Variants in PPM1E observed in about 807,000 individuals in gnomAD.
The protein encoded by PPM1E is protein phosphatase 1E.
PPM1E carries 20 observed loss-of-function variants against 65.9 expected under a neutral mutation model. The observed-to-expected ratio is 0.30, with a 90% confidence interval of 0.21 to 0.44. The LOEUF (loss-of-function observed/expected upper bound fraction) is 0.44, where lower values mean the gene tolerates loss of function less well. Among genes scored for constraint, PPM1E ranks in the 20% least tolerant of loss-of-function variants. The probability of loss-of-function intolerance (pLI) is 1.00; values close to 1 mark genes in which losing one functional copy is unlikely to be tolerated. For missense variants in PPM1E, 713 were observed against 953.1 expected, an observed-to-expected ratio of 0.75 and a Z score of 3.32; for synonymous variants, 352 against 374.9, an observed-to-expected ratio of 0.94 and a Z score of 0.70.
chr17:58,879,041 G>C (rs2051159816), intron 1 of PPM1E, among the ~76,000 whole-genome samples: 1 of 152,012 alleles, frequency 6.6e-6, no homozygotes, highest in Non-Finnish European at 1.5e-5. Flanking sequence ...AGAGATGACA[G>C]TAGGATGTCT....
intron 1 of PPM1E, among the ~76,000 whole-genome samples, chr17:58,792,832 C>T (rs2050169529): frequency 1.5e-5 from 2 of 137,208 alleles, no homozygotes; most frequent in South Asian, 4.9e-4. Context: ...CAGCTCACTG[C>T]AACCTCCGCC....
At chr17:58,786,304 G>A (rs531274706) in intron 1 of PPM1E, among the ~76,000 whole-genome samples, 23 of 152,180 alleles carry the variant, frequency 1.5e-4, no homozygotes, top group African/African-American at 5.5e-4. Flanking sequence ...GTGAGCCATC[G>A]GGCCTGGCCA....
intron 1 of PPM1E, among the ~76,000 whole-genome samples, chr17:58,891,189 C>T (rs1004706266): frequency 6.6e-6 from 1 of 152,092 alleles, no homozygotes; most frequent in African/African-American, 2.4e-5. Context: ...TGGTCTCAAA[C>T]CCCCGACCTC....
At chr17:58,883,396 A>T (rs2051226146) in intron 1 of PPM1E, among the ~76,000 whole-genome samples, 1 of 144,204 alleles carries the variant, frequency 6.9e-6, no homozygotes, top group African/African-American at 2.6e-5. Context: ...TTTCTACCAG[A>T]TTGCTTTCTT....
At chr17:58,889,039 T>C (rs1456940867) in intron 1 of PPM1E, among the ~76,000 whole-genome samples, 2 of 152,204 alleles carry the variant, frequency 1.3e-5, no homozygotes, top group Non-Finnish European at 2.9e-5. Flanking sequence ...TGAATTACAT[T>C]CTTCAAAGTT....
At chr17:58,795,653 A>G (rs764402384) in intron 1 of PPM1E, among the ~76,000 whole-genome samples, 1 of 152,182 alleles carries the variant, frequency 6.6e-6, no homozygotes. Flanking sequence ...GCAGTGAACT[A>G]TGTTTGTGCC....
chr17:58,785,890 A>G (rs1598570029), intron 1 of PPM1E, among the ~76,000 whole-genome samples: 3 of 152,266 alleles, frequency 2.0e-5, no homozygotes, highest in Admixed American at 2.0e-4. Flanking sequence ...CAGGAAAACT[A>G]ACATGAATCT....
intron 1 of PPM1E, among the ~76,000 whole-genome samples, chr17:58,795,281 A>G (rs1255338373): frequency 1.3e-5 from 2 of 152,216 alleles, no homozygotes; most frequent in African/African-American, 4.8e-5. Context: ...TTCTGTTTTA[A>G]GTTCTTTCAG....
At chr17:58,854,758 G>A (rs952439117) in intron 1 of PPM1E, among the ~76,000 whole-genome samples, 19 of 152,100 alleles carry the variant, frequency 1.2e-4, no homozygotes, top group Non-Finnish European at 2.9e-5. Flanking sequence ...ATCCCATTCA[G>A]TCATGGTGTA....
intron 6 of PPM1E, among the ~76,000 whole-genome samples, chr17:58,973,520 A>G (rs180774299): frequency 5.4e-4 from 82 of 151,868 alleles, no homozygotes; most frequent in Admixed American, 5.4e-3. Context: ...TCTGCTTCAA[A>G]CCACAGTGGT....
At chr17:58,902,930 T>C (rs2051514546) in intron 1 of PPM1E, among the ~76,000 whole-genome samples, 2 of 152,228 alleles carry the variant, frequency 1.3e-5, no homozygotes, top group South Asian at 4.1e-4. Context: ...TAAATTAAAT[T>C]AAATCTGACT....
intron 1 of PPM1E, among the ~76,000 whole-genome samples, chr17:58,812,004 T>G (rs2050372989): frequency 6.6e-6 from 1 of 152,100 alleles, no homozygotes; most frequent in Non-Finnish European, 1.5e-5. Context: ...ATTTTGTGTT[T>G]GCAGTTCATA....
intron 1 of PPM1E, among the ~76,000 whole-genome samples, chr17:58,948,057 G>T (rs1382362133): frequency 1.3e-5 from 2 of 152,188 alleles, no homozygotes; most frequent in Non-Finnish European, 2.9e-5. Context: ...GACAGAGGAA[G>T]AAAGAAGAGG....
chr17:58,922,672 T>C (rs1224223115), intron 1 of PPM1E, among the ~76,000 whole-genome samples: 2 of 150,332 alleles, frequency 1.3e-5, no homozygotes, highest in East Asian at 3.9e-4. Flanking sequence ...TCTTTAAATA[T>C]ATGTCTTGAA....
intron 1 of PPM1E, among the ~76,000 whole-genome samples, chr17:58,883,113 G>A (rs2051220201): frequency 6.6e-6 from 1 of 151,336 alleles, no homozygotes; most frequent in Admixed American, 6.6e-5. Context: ...CTGCCACCAC[G>A]CCCAGCTAAT....
intron 1 of PPM1E, among the ~76,000 whole-genome samples, chr17:58,798,385 C>A (rs189061997): frequency 0.021 from 3,200 of 151,628 alleles, 59 homozygotes; most frequent in Non-Finnish European, 0.032. Flanking sequence ...GGCGCCACCA[C>A]GCCTAATTTT....
chr17:58,766,218 T>TTTTTTTTTC, intron 1 of PPM1E, among the ~76,000 whole-genome samples: 3 of 114,958 alleles, frequency 2.6e-5, no homozygotes, highest in Admixed American at 8.5e-5. Context: ...TTTTTTTTTT[T>TTTTTTTTTC]TGAGATGGAG....
At chr17:58,816,794 A>ATATATATATATATATT (rs2050429408) in intron 1 of PPM1E, among the ~76,000 whole-genome samples, 1 of 16,652 alleles carries the variant, frequency 6.0e-5, no homozygotes, top group African/African-American at 2.2e-4. Context: ...ATATATATAT[A>ATATATATATATATATT]TTTTTTTTTT....
At chr17:58,762,892 C>T (rs1231466910) in intron 1 of PPM1E, among the ~76,000 whole-genome samples, 25 of 135,928 alleles carry the variant, frequency 1.8e-4, no homozygotes, top group South Asian at 6.9e-4. Context: ...AGCGAGACTC[C>T]GTCTCAAAAA....
Sources: gnomAD v4.1 joint callset for allele counts (sites outside exome capture counted in the v4.1 genomes callset) on GRCh38, gnomAD v4.1.1 for gene constraint, MANE v1.5 for transcripts, NCBI Gene and HGNC (gene_info 2026-07-23, HGNC 2026-07-21) for gene names.